TRPM3: variants seen among roughly 807,000 people sequenced by gnomAD.
TRPM3 encodes the protein long transient receptor potential channel 3.
Under a neutral mutation model 181.2 loss-of-function variants are expected in TRPM3, and 77 were observed. The observed-to-expected ratio is 0.42, with a 90% CI of 0.35 to 0.51. TRPM3 has a LOEUF of 0.51. Among genes scored for constraint, TRPM3 ranks in the 20% least tolerant of loss-of-function variants. The pLI is 0.01. For missense variants in TRPM3, 1,759 were observed against 2,196.7 expected, an observed-to-expected ratio of 0.80 and a Z score of 3.98; for synonymous variants, 745 against 796.4, an observed-to-expected ratio of 0.94 and a Z score of 1.09.
intron 1 of TRPM3, among the ~76,000 whole-genome samples, chr9:71,068,038 A>G (rs994982614): frequency 6.6e-6 from 1 of 152,152 alleles, no homozygotes; most frequent in Non-Finnish European, 1.5e-5. Context: ...GTGTTAGGTT[A>G]AGAATCTCCA....
chr9:70,957,665 G>T (rs1190418767), intron 1 of TRPM3, among the ~76,000 whole-genome samples: 2 of 152,136 alleles, frequency 1.3e-5, no homozygotes, highest in Non-Finnish European at 2.9e-5. Flanking sequence ...CATAATTCAA[G>T]TACTTTGCCC....
At chr9:70,878,980 C>A (rs983698955) in intron 1 of TRPM3, among the ~76,000 whole-genome samples, 1 of 152,064 alleles carries the variant, frequency 6.6e-6, no homozygotes, top group Non-Finnish European at 1.5e-5. Flanking sequence ...GCAGCAATAA[C>A]AGTTTTATAG....
At chr9:71,306,540 T>C (rs374681935) in intron 1 of TRPM3, among the ~76,000 whole-genome samples, 62 of 152,322 alleles carry the variant, frequency 4.1e-4, no homozygotes, top group African/African-American at 1.3e-3. Context: ...ATAAATTCAC[T>C]ATTCTGATAT....
At chr9:71,027,671 G>C (rs1041588566) in intron 1 of TRPM3, among the ~76,000 whole-genome samples, 21 of 152,152 alleles carry the variant, frequency 1.4e-4, no homozygotes, top group African/African-American at 5.1e-4. Context: ...TAATGCAATT[G>C]CAAGTATTAG....
At chr9:70,817,001 T>C (rs546450380) in intron 6 of TRPM3, among the ~76,000 whole-genome samples, 1 of 152,316 alleles carries the variant, frequency 6.6e-6, no homozygotes, top group Admixed American at 6.5e-5. Context: ...GGTTCTTCAA[T>C]GAGCACGTTA....
intron 1 of TRPM3, among the ~76,000 whole-genome samples, chr9:71,108,841 A>AATTGTTATAT (rs1030174838): frequency 3.3e-5 from 5 of 152,224 alleles, no homozygotes; most frequent in African/African-American, 1.2e-4. Context: ...TCTATGTGAT[A>AATTGTTATAT]GTTAATGTTA....
chr9:71,266,163 G>A (rs1371199331), intron 1 of TRPM3, among the ~76,000 whole-genome samples: 2 of 152,136 alleles, frequency 1.3e-5, no homozygotes, highest in Non-Finnish European at 2.9e-5. Context: ...TCCCCACTTT[G>A]CATTTCACTA....
At chr9:70,847,657 A>G (rs189981061) in intron 3 of TRPM3, among the ~76,000 whole-genome samples, 1 of 140,786 alleles carries the variant, frequency 7.1e-6, no homozygotes, top group South Asian at 2.4e-4. Flanking sequence ...ATAAGAAAGA[A>G]AAAAATTAAA....
intron 1 of TRPM3, among the ~76,000 whole-genome samples, chr9:71,437,882 A>T (rs988431085): frequency 6.8e-6 from 1 of 147,000 alleles, no homozygotes; most frequent in African/African-American, 2.5e-5. Context: ...AAAAAAAAAG[A>T]AAAAAAAACC....
chr9:70,984,723 C>A (rs2097401857), intron 1 of TRPM3, among the ~76,000 whole-genome samples: 2 of 152,252 alleles, frequency 1.3e-5, no homozygotes, highest in East Asian at 1.9e-4. Flanking sequence ...GGAACAGATT[C>A]TCTCCTGGAG....
chr9:70,778,062 T>G (rs529910981), intron 7 of TRPM3, among the ~76,000 whole-genome samples: 46 of 152,176 alleles, frequency 3.0e-4, no homozygotes, highest in Middle Eastern at 6.8e-3. Context: ...ACCAATTTTC[T>G]TCAATCTTAT....
chr9:71,320,842 T>C (rs149469860), intron 1 of TRPM3, among the ~76,000 whole-genome samples: 1 of 152,206 alleles, frequency 6.6e-6, no homozygotes, highest in Non-Finnish European at 1.5e-5. Flanking sequence ...CGAGAAAGTG[T>C]TGATCTTCCT....
At chr9:71,168,026 T>C (rs765872678) in intron 1 of TRPM3, among the ~76,000 whole-genome samples, 2 of 152,168 alleles carry the variant, frequency 1.3e-5, no homozygotes, top group Non-Finnish European at 2.9e-5. Flanking sequence ...AGAACTGTTA[T>C]TATCTTAGAG....
intron 7 of TRPM3, among the ~76,000 whole-genome samples, chr9:70,769,175 G>A (rs1009338156): frequency 6.6e-6 from 1 of 152,048 alleles, no homozygotes; most frequent in Non-Finnish European, 1.5e-5. Context: ...ATCTCTACTT[G>A]CATACAGAAT....
At chr9:70,853,388 G>T (rs1307260681) in intron 3 of TRPM3, among the ~76,000 whole-genome samples, 3 of 152,202 alleles carry the variant, frequency 2.0e-5, no homozygotes, top group African/African-American at 7.2e-5. Flanking sequence ...CTGGGGTAGG[G>T]CTTGGGCCTC....
At chr9:70,699,564 T>G (rs563179328) in intron 8 of TRPM3, among the ~76,000 whole-genome samples, 3 of 152,268 alleles carry the variant, frequency 2.0e-5, no homozygotes, top group Non-Finnish European at 4.4e-5. Flanking sequence ...GCCAGGCACT[T>G]TATATACATT....
intron 1 of TRPM3, among the ~76,000 whole-genome samples, chr9:71,206,272 T>G (rs1441497806): frequency 6.6e-6 from 1 of 152,198 alleles, no homozygotes; most frequent in African/African-American, 2.4e-5. Context: ...TTCCTGACAT[T>G]TTAGAGATCG....
intron 1 of TRPM3, among the ~76,000 whole-genome samples, chr9:71,006,934 G>A (rs2097682638): frequency 6.8e-6 from 1 of 147,296 alleles, no homozygotes; most frequent in African/African-American, 2.5e-5. Flanking sequence ...TGCTACTCAG[G>A]AGGCTGAGGC....
At chr9:70,781,359 A>G (rs1032573881) in intron 7 of TRPM3, among the ~76,000 whole-genome samples, 2 of 148,988 alleles carry the variant, frequency 1.3e-5, no homozygotes, top group Non-Finnish European at 3.0e-5. Context: ...AGAAAACATG[A>G]TATTTTTGAC....
Sources: gnomAD v4.1 joint callset for allele counts (sites outside exome capture counted in the v4.1 genomes callset) on GRCh38, gnomAD v4.1.1 for gene constraint, MANE v1.5 for transcripts, NCBI Gene and HGNC (gene_info 2026-07-23, HGNC 2026-07-21) for gene names.